Variants in ARFGEF3 observed in about 807,000 individuals in gnomAD.
The protein encoded by ARFGEF3 is ARFGEF family member 3.
ARFGEF3 carries 96 observed loss-of-function variants against 221.7 expected under a neutral mutation model. That is an observed-to-expected ratio of 0.43 (90% CI 0.37 to 0.51). ARFGEF3 has a LOEUF of 0.51. ARFGEF3 is among the 20% of genes least tolerant of loss of function. The pLI is 0.00. For missense variants in ARFGEF3, 2,410 were observed against 2,789.9 expected (o/e 0.86, Z 3.07); for synonymous variants, 1,145 against 1,126.8 (o/e 1.02, Z -0.32).
chr6:138,267,748 A>G (rs1274423597), intron 12 of ARFGEF3, among the ~76,000 whole-genome samples: 2 of 152,234 alleles, frequency 1.3e-5, no homozygotes, highest in African/African-American at 4.8e-5. Flanking sequence ...TGTGGTCAGA[A>G]TATGGCCCAA....
At chr6:138,245,458 A>T (rs1425941907) in intron 7 of ARFGEF3, 55 bp from the exon 8 acceptor site, 2 of 1,197,210 alleles carry the variant, frequency 1.7e-6, no homozygotes, top group East Asian at 4.8e-5. Context: ...TGGTTCAGGG[A>T]GCTCGTCGTG....
chr6:138,317,293 C>T lies in ARFGEF3; in HGVS notation c.4388C>T (p.Ala1463Val), dbSNP rs571551946. 8.7e-6 allele frequency: 14 copies of T among 1,613,880 alleles called. No individual in the cohort carries two copies. The highest frequency in any genetic ancestry group is 3.3e-5 in the Admixed American group (2 of 60,014). ...VWIILLEQLT[A>V]AVSNCPRQHQ... ...ATAATCCTGCTGGAGCAGCTGACAG[C>T]GGCTGTGTCCAATTGTCCACGGCAG... Residue 1463 changes from alanine to valine, a missense_variant, in exon 27 of 34, where the codon GCG (alanine) becomes GTG (valine). Transcript: ENST00000251691.
chr6:138,205,230 G>A (rs964982881), intron 2 of ARFGEF3, among the ~76,000 whole-genome samples: 4 of 152,118 alleles, frequency 2.6e-5, no homozygotes, highest in African/African-American at 9.7e-5. Flanking sequence ...GTAAATATTT[G>A]TACATTTTTA....
rs1779280888 is a variant in ARFGEF3 at position 138,285,973 on chromosome 6, TTGG to T, written c.2493_2495del (p.Gly832del). 1.2e-6 allele frequency: 2 copies of T among 1,611,762 alleles called. No individual in the cohort carries two copies. Among genetic ancestry groups the T allele is most frequent in the African/African-American group, 2.7e-5 (2 of 74,924 alleles). ...ATTGACGGCTTAGAGAGCAGTGCCA[TTGG>T]TGGCCAGCTGATGGCCTCGGCTGCT... On this transcript the variant is annotated inframe_deletion, in exon 15 of 34. Coordinates refer to ENST00000251691, the MANE Select transcript of ARFGEF3 (RefSeq NM_020340.5).
chr6:138,223,092 A>G (rs1778010813), intron 4 of ARFGEF3, among the ~76,000 whole-genome samples: 1 of 152,152 alleles, frequency 6.6e-6, no homozygotes, highest in African/African-American at 2.4e-5. Flanking sequence ...CTCTGTTGAC[A>G]TTTCATGGTC....
At chr6:138,318,598 T>C (rs1467624860) in intron 27 of ARFGEF3, among the ~76,000 whole-genome samples, 1 of 152,224 alleles carries the variant, frequency 6.6e-6, no homozygotes, top group African/African-American at 2.4e-5. Flanking sequence ...TATGAAATTT[T>C]ATGCAATTAT....
At chr6:138,235,902 G>C (rs1163989111) in intron 5 of ARFGEF3, among the ~76,000 whole-genome samples, 1 of 152,030 alleles carries the variant, frequency 6.6e-6, no homozygotes, top group Non-Finnish European at 1.5e-5. Context: ...TTTTTTAGCT[G>C]AGTAAGCATG....
chr6:138,199,749 C>A (rs1008139030), intron 2 of ARFGEF3, among the ~76,000 whole-genome samples: 1 of 152,162 alleles, frequency 6.6e-6, no homozygotes, highest in Non-Finnish European at 1.5e-5. Flanking sequence ...TTGCTGAATT[C>A]TTTTATCAGT....
intron 5 of ARFGEF3, among the ~76,000 whole-genome samples, chr6:138,238,020 G>T (rs1778318818): frequency 6.6e-6 from 1 of 152,216 alleles, no homozygotes; most frequent in Non-Finnish European, 1.5e-5. Flanking sequence ...TAACACAGCT[G>T]ATGTCCTGCC....
Position 138,298,635 on chromosome 6 carries a change from T to A in ARFGEF3, c.3678T>A (p.Ser1226=), listed in dbSNP as rs1295873266. ...CTTGCCATAAGGAAAGACATGTGTC[T>A]CAGAAGGCTGTTTCCTTCATCCATG... ...EAACHKERHV[S]QKAVSFIHDI... The change falls in exon 22 of 34, where the codon TCT becomes TCA. Residue 1226 remains serine (S), a synonymous_variant. Transcript: ENST00000251691. 2 of 1,613,282 alleles carry A rather than the reference T, an allele frequency of 1.2e-6. No individual in the cohort carries two copies. Among genetic ancestry groups the A allele is most frequent in the East Asian group, 4.5e-5 (2 of 44,852 alleles).
Position 138,255,339 on chromosome 6 carries a change from C to T in ARFGEF3, c.771-97C>T, listed in dbSNP as rs1289724942. The T allele has an allele frequency of 4.3e-5, 36 of 837,074 alleles. No individual in the cohort carries two copies. In the East Asian group the frequency reaches 7.2e-4, roughly 17 times the overall value. The allele number at this position is 837,074 out of a possible 1,614,324, so 51.9% of individuals were successfully genotyped here. On this transcript the variant is annotated intron_variant, in intron 9 of 33. Transcript: ENST00000251691. Reference sequence around the variant, plus strand: ...GCCAAAAGAAGAAGAAGTAAAGAGCCGCACTCTTGTCATTTCTATGGCATC... The same window carrying T: ...GCCAAAAGAAGAAGAAGTAAAGAGCTGCACTCTTGTCATTTCTATGGCATC...
chr6:138,301,890 A>C (rs1310073007), intron 22 of ARFGEF3, among the ~76,000 whole-genome samples: 1 of 152,192 alleles, frequency 6.6e-6, no homozygotes, highest in Non-Finnish European at 1.5e-5. Context: ...TCAGGCTAAA[A>C]AATAAAAATG....
Position 138,286,932 on chromosome 6 carries a change from G to C in ARFGEF3, c.2785+16G>C. 6.2e-7 allele frequency: 1 copy of C among 1,611,480 alleles called. No individual in the cohort carries two copies. Among genetic ancestry groups the C allele is most frequent in the South Asian group, 1.1e-5 (1 of 90,946 alleles). ...TGCGCTCTAGGTACCAGCGGGAGTA[G>C]TGTTCCCTGGCCGTGGTCCTGCAGA... is the stretch of plus-strand genomic sequence containing the variant. On this transcript the variant is annotated intron_variant, in intron 16 of 33. Transcript: ENST00000251691.
chr6:138,225,693 G>A (rs1342441498), intron 4 of ARFGEF3, among the ~76,000 whole-genome samples: 4 of 152,160 alleles, frequency 2.6e-5, no homozygotes, highest in Non-Finnish European at 5.9e-5. Flanking sequence ...AAGTGGAGCT[G>A]GATCAGAAAA....
intron 2 of ARFGEF3, among the ~76,000 whole-genome samples, chr6:138,192,412 G>T (rs150861123): frequency 6.6e-6 from 1 of 152,118 alleles, no homozygotes; most frequent in African/African-American, 2.4e-5. Flanking sequence ...GCTTGAACCC[G>T]GGAGGTGGAG....
intron 2 of ARFGEF3, among the ~76,000 whole-genome samples, chr6:138,204,714 C>T (rs1038304401): frequency 6.6e-6 from 1 of 152,104 alleles, no homozygotes; most frequent in East Asian, 1.9e-4. Flanking sequence ...TTCAAATGCC[C>T]TTTTTATGGA....
chr6:138,197,909 T>C (rs1162549078), intron 2 of ARFGEF3, among the ~76,000 whole-genome samples: 1 of 152,144 alleles, frequency 6.6e-6, no homozygotes, highest in Non-Finnish European at 1.5e-5. Context: ...AAATGGAAAG[T>C]ATAAAAAAAG....
chr6:138,267,318 A>G (rs1290233983), intron 12 of ARFGEF3, among the ~76,000 whole-genome samples: 1 of 151,938 alleles, frequency 6.6e-6, no homozygotes, highest in Non-Finnish European at 1.5e-5. Flanking sequence ...CCAGTTACTC[A>G]GGAGGCTGAG....
intron 1 of ARFGEF3, among the ~76,000 whole-genome samples, chr6:138,164,831 A>G (rs1182405710): frequency 6.6e-6 from 1 of 152,222 alleles, no homozygotes; most frequent in Non-Finnish European, 1.5e-5. Flanking sequence ...GAAAAGAGGC[A>G]ACAATAAACT....
Sources: allele counts gnomAD v4.1 joint callset (sites outside exome capture counted in the v4.1 genomes callset), GRCh38; gene constraint gnomAD v4.1.1; transcripts MANE v1.5; gene names NCBI Gene and HGNC (gene_info 2026-07-23, HGNC 2026-07-21).